Variants in ADGRF3 observed in about 807,000 individuals in gnomAD.
ADGRF3 encodes the protein adhesion G protein-coupled receptor F3, also known as G protein-coupled receptor 113.
A neutral mutation model predicts 93.2 loss-of-function variants in ADGRF3; 85 were observed. That is an observed-to-expected ratio of 0.91 (90% CI 0.77 to 1.09). The LOEUF is 1.09. Ranked by LOEUF, ADGRF3 falls within the 50% of genes least tolerant of loss-of-function variation. The pLI is 0.00. For synonymous variants in ADGRF3, 534 were observed against 532.5 expected (o/e 1.00, Z -0.04); for missense variants, 1,125 against 1,246.2 (o/e 0.90, Z 1.46).
rs1673999167 is a variant in ADGRF3 at position 26,310,691 on chromosome 2, C to A, written c.2832+1G>T. On this transcript the variant is annotated splice_donor_variant, in intron 10 of 13. Transcript: ENST00000651242. LOFTEE classifies it high-confidence loss of function. ...AACACAGCCACCCCCCTATCACCTA[C>A]CTGGAGGGTGTTGAGAATGGTGAAG... 1 of 1,609,086 alleles carries A rather than the reference C, an allele frequency of 6.2e-7. No homozygotes were observed. The highest frequency in any genetic ancestry group is 8.5e-7 in the Non-Finnish European group (1 of 1,177,684).
At chr2:26,326,371 G>A (rs1675434830) in intron 1 of ADGRF3, among the ~76,000 whole-genome samples, 1 of 152,072 alleles carries the variant, frequency 6.6e-6, no homozygotes, top group Admixed American at 6.5e-5. Flanking sequence ...GTCAAAAAGT[G>A]ATATAAGTCA....
rs1223539151 is a variant in ADGRF3, at chr2:26,310,860, C to G, written c.2664G>C (p.Leu888=). ...MAMLKLLRPS[L]SEGPPAEKRQ... is the part of the protein sequence containing the mutation. Reference sequence around the variant, plus strand: ...GCTTCTCTGCTGGGGGTCCCTCTGACAGCGAAGGTCTCAGCAACTTCAGCA... The same window carrying G: ...GCTTCTCTGCTGGGGGTCCCTCTGAGAGCGAAGGTCTCAGCAACTTCAGCA... Residue 888 remains leucine, a synonymous_variant, in exon 10 of 14, where the codon CTG becomes CTC. Coordinates refer to ENST00000651242, the MANE Select transcript of ADGRF3 (RefSeq NM_001321971.2). 2 of 1,612,810 alleles carry G rather than the reference C, an allele frequency of 1.2e-6. No individual in the cohort carries two copies. The highest frequency in any genetic ancestry group is 2.2e-5 in the South Asian group (2 of 90,988).
chr2:26,345,401 C>T (rs1412741158), intron 1 of ADGRF3, among the ~76,000 whole-genome samples: 1 of 152,052 alleles, frequency 6.6e-6, no homozygotes, highest in African/African-American at 2.4e-5. Context: ...TTTATCTGGT[C>T]GGGAGACACC....
intron 9 of ADGRF3, 56 bp downstream of exon 9, chr2:26,312,887 G>T: frequency 6.7e-7 from 1 of 1,494,576 alleles, no homozygotes; most frequent in Non-Finnish European, 9.0e-7. Flanking sequence ...CCACAGGTGG[G>T]GAGTCTTCAG....
intron 1 of ADGRF3, among the ~76,000 whole-genome samples, chr2:26,320,543 C>T (rs539694579): frequency 6.6e-6 from 1 of 152,204 alleles, no homozygotes; most frequent in Admixed American, 6.5e-5. Context: ...CATATACAAA[C>T]CTCCAACTTT....
rs140426515 is a variant in ADGRF3, at chr2:26,313,158, G to A, written c.1270-36C>T. On this transcript the variant is annotated intron_variant, in intron 8 of 13. Transcript: ENST00000651242. ...CGAGACAGCATGAAGTGGGACACATGGTGGAATGATGGTTTGAGAAGAGCA... is the reference window on the plus strand; with the variant it reads ...CGAGACAGCATGAAGTGGGACACATAGTGGAATGATGGTTTGAGAAGAGCA... The A allele has an allele frequency of 2.1e-4, 340 of 1,609,790 alleles. 2 individuals are homozygous for A. In the East Asian group the frequency reaches 7.0e-3, roughly 33 times the overall value.
Position 26,311,928 on chromosome 2 carries a change from G to A in ADGRF3, c.1596C>T (p.Pro532=). The A allele has an allele frequency of 6.2e-7, 1 of 1,613,894 alleles. No homozygotes were observed. Among genetic ancestry groups the A allele is most frequent in the African/African-American group, 1.3e-5 (1 of 75,044 alleles). ...GCACATTGGGTAAGCTGAAGGCGAA[G>A]GGGTGGTCCTGTGGGCACAGGCTGC... ...LACSLCPQDH[P]FAFSLPNVLL... Residue 532 remains proline, a synonymous_variant, in exon 10 of 14, where the codon CCC becomes CCT. Transcript: ENST00000651242.
chr2:26,312,978 C>T lies in ADGRF3; in HGVS notation c.1414G>A (p.Glu472Lys), dbSNP rs2147871048. The T allele has an allele frequency of 6.2e-7, 1 of 1,613,678 alleles. No homozygotes were observed. Residue 472 changes from glutamate to lysine, a missense_variant, in exon 9 of 14, where the codon GAG (glutamate) becomes AAG (lysine). Physicochemically the swap from Glu to Lys is moderately conservative, Grantham distance 56. Transcript: ENST00000651242. ...CTGCGGTCAAGCTGTATTCTGGCCT[C>T]TGCCACCACCTTGGCCACGTATTTC... ...TMKYVAKVVA[E>K]ARIQLDRRAL...
At chr2:26,317,467 C>T in intron 2 of ADGRF3, 29 bp downstream of exon 2, 4 of 1,568,674 alleles carry the variant, frequency 2.5e-6, no homozygotes, top group Non-Finnish European at 3.5e-6. Flanking sequence ...TCTCCTCCCC[C>T]TCCCTCCTCC....
At chr2:26,333,588 C>T (rs1487849638) in intron 1 of ADGRF3, among the ~76,000 whole-genome samples, 1 of 151,436 alleles carries the variant, frequency 6.6e-6, no homozygotes, top group Non-Finnish European at 1.5e-5. Flanking sequence ...ATATGTATTT[C>T]TTATTATGTC....
intron 1 of ADGRF3, among the ~76,000 whole-genome samples, chr2:26,345,494 C>T (rs920594530): frequency 1.3e-5 from 2 of 152,160 alleles, no homozygotes; most frequent in African/African-American, 4.8e-5. Context: ...ACCTGAGGGG[C>T]TTGTCTCCAA....
At chr2:26,346,002 G>T in intron 1 of ADGRF3, 119 bp downstream of exon 1, 1 of 1,079,750 alleles carries the variant, frequency 9.3e-7, no homozygotes, top group South Asian at 1.6e-5. Context: ...CGCTCGAGCG[G>T]GCTAGCAACC....
intron 1 of ADGRF3, among the ~76,000 whole-genome samples, chr2:26,339,908 A>G (rs1427914272): frequency 6.6e-6 from 1 of 152,190 alleles, no homozygotes; most frequent in East Asian, 1.9e-4. Context: ...TACTCAGCAC[A>G]ATTCTCACAT....
chr2:26,318,159 G>A (rs1032525125), intron 1 of ADGRF3: 3 of 1,340,204 alleles, frequency 2.2e-6, no homozygotes, highest in Non-Finnish European at 3.0e-6. Flanking sequence ...GGCCCAAGGA[G>A]AGAGAACATG....
At chr2:26,323,287 C>T (rs1283984866) in intron 1 of ADGRF3, among the ~76,000 whole-genome samples, 2 of 152,172 alleles carry the variant, frequency 1.3e-5, no homozygotes, top group East Asian at 3.9e-4. Context: ...TTGCTGCCAC[C>T]TACCTACTCC....
chr2:26,332,147 C>T (rs556339003), intron 1 of ADGRF3, among the ~76,000 whole-genome samples: 2 of 152,294 alleles, frequency 1.3e-5, no homozygotes, highest in South Asian at 2.1e-4. Flanking sequence ...CAGACTTCTA[C>T]ACTGGAATGT....
At chr2:26,341,691 T>G (rs1162472825) in intron 1 of ADGRF3, among the ~76,000 whole-genome samples, 1 of 151,958 alleles carries the variant, frequency 6.6e-6, no homozygotes, top group African/African-American at 2.4e-5. Context: ...AGAGACAGGG[T>G]CTCCCTATGT....
At chr2:26,318,811 T>A (rs900156512) in intron 1 of ADGRF3, 1 of 1,302,024 alleles carries the variant, frequency 7.7e-7, no homozygotes, top group African/African-American at 1.5e-5. Flanking sequence ...AGAGATCTCA[T>A]AACAAAGCAT....
rs772463024 is a variant in ADGRF3, at chr2:26,313,916, C to T, written c.929-13G>A. 2.4e-5 allele frequency: 39 copies of T among 1,613,586 alleles called. No individual in the cohort carries two copies. The highest frequency in any genetic ancestry group is 8.0e-5 in the African/African-American group (6 of 74,920). ...TTGAAGGAGGAAGCTGAAGGCAAAACGAAGAAGGGAACTGTCATTGGGCCA... is the reference window on the plus strand; with the variant it reads ...TTGAAGGAGGAAGCTGAAGGCAAAATGAAGAAGGGAACTGTCATTGGGCCA... On this transcript the variant is annotated splice_polypyrimidine_tract_variant and intron_variant, in intron 6 of 13. Transcript: ENST00000651242.
Sources: gnomAD v4.1 joint callset for allele counts (sites outside exome capture counted in the v4.1 genomes callset) on GRCh38, gnomAD v4.1.1 for gene constraint, MANE v1.5 for transcripts, NCBI Gene and HGNC (gene_info 2026-07-23, HGNC 2026-07-21) for gene names.